DNAJC6: variants seen among roughly 807,000 people sequenced by gnomAD.
DNAJC6 encodes the protein DnaJ heat shock protein family (Hsp40) member C6, also known as auxilin.
A neutral mutation model predicts 110.0 loss-of-function variants in DNAJC6; 34 were observed. The observed-to-expected ratio is 0.31, with a 90% CI of 0.24 to 0.41. The LOEUF is 0.41. DNAJC6 is among the 10% of genes least tolerant of loss of function. The probability of loss-of-function intolerance (pLI) is 1.00; values close to 1 mark genes in which losing one functional copy is unlikely to be tolerated. For synonymous variants in DNAJC6, 406 were observed against 437.2 expected (o/e 0.93, Z 0.89); for missense variants, 1,031 against 1,207.8 (o/e 0.85, Z 2.17).
At chr1:65,298,701 T>C (rs1035005814) in intron 1 of DNAJC6, 1 of 152,222 alleles carries the variant, frequency 6.6e-6, no homozygotes, top group African/African-American at 2.4e-5. Flanking sequence ...ACAGGTACAG[T>C]GACAAACTTC....
At chr1:65,318,771 G>A (rs1376288785) in intron 1 of DNAJC6, among the ~76,000 whole-genome samples, 1 of 152,138 alleles carries the variant, frequency 6.6e-6, no homozygotes, top group Non-Finnish European at 1.5e-5. Context: ...GAATACCTAG[G>A]TGATGGGTTG....
rs1261374566 is a variant in DNAJC6, at chr1:65,384,311, C to T, written c.785C>T (p.Ser262Leu). The T allele has an allele frequency of 1.3e-6, 2 of 1,574,652 alleles. No individual in the cohort carries two copies. The highest frequency in any genetic ancestry group is 1.4e-5 in the African/African-American group (1 of 72,852). The change falls in exon 6 of 19, where the codon TCA becomes TTA. Residue 262 changes from serine to leucine, a missense_variant. Coordinates refer to ENST00000371069, the MANE Select transcript of DNAJC6 (RefSeq NM_001256864.2). The stretch of plus-strand genomic sequence containing the variant: ...GCAAAGCGACCAGGAATTGGACTTT[C>T]ACCATCCCATAGGAGGTAAAGTAAG... ...LYAKRPGIGL[S>L]PSHRRYLGYM...
At chr1:65,406,302 T>C (rs963879680) in intron 16 of DNAJC6, among the ~76,000 whole-genome samples, 169 bp downstream of exon 16, 15 of 151,678 alleles carry the variant, frequency 9.9e-5, no homozygotes, top group African/African-American at 3.4e-4. Context: ...CCCCCAACGC[T>C]GTACCTGGAG....
At chr1:65,390,822 A>T (rs556940189) in intron 11 of DNAJC6, among the ~76,000 whole-genome samples, 2 of 152,208 alleles carry the variant, frequency 1.3e-5, no homozygotes, top group Non-Finnish European at 2.9e-5. Flanking sequence ...AAATCCTCAA[A>T]TTTGGAAAAC....
intron 1 of DNAJC6, among the ~76,000 whole-genome samples, chr1:65,313,696 G>A (rs958941520): frequency 2.6e-5 from 4 of 152,138 alleles, no homozygotes; most frequent in African/African-American, 9.7e-5. Context: ...GATAAAAGAG[G>A]GGTACATGTT....
chr1:65,398,966 ATTGTGG>A, intron 14 of DNAJC6, 85 bp downstream of exon 14: 1 of 1,371,624 alleles, frequency 7.3e-7, no homozygotes, highest in Non-Finnish European at 1.0e-6. Flanking sequence ...CTCACAGAGT[ATTGTGG>A]CCTACCTGTG....
chr1:65,285,713 C>T (rs1653994793), intron 1 of DNAJC6, among the ~76,000 whole-genome samples: 1 of 152,128 alleles, frequency 6.6e-6, no homozygotes, highest in Non-Finnish European at 1.5e-5. Flanking sequence ...CATTCCGTCA[C>T]CCAGGCTGGA....
intron 4 of DNAJC6, among the ~76,000 whole-genome samples, chr1:65,366,884 ATCCTTTAAAAGTGAAACT>A (rs1244305144): frequency 6.6e-6 from 1 of 152,156 alleles, no homozygotes; most frequent in Non-Finnish European, 1.5e-5. Flanking sequence ...CTATGCATGG[ATCCTTTAAAAGTGAAACT>A]TGATGTCAAA....
At chr1:65,402,631 G>A (rs988340497) in intron 15 of DNAJC6, among the ~76,000 whole-genome samples, 6 of 152,240 alleles carry the variant, frequency 3.9e-5, no homozygotes, top group African/African-American at 1.4e-4. Context: ...AAATAAGGGT[G>A]GGGTAGCCCT....
intron 1 of DNAJC6, chr1:65,345,709 C>A: frequency 1.0e-6 from 1 of 982,260 alleles, no homozygotes; most frequent in Non-Finnish European, 1.2e-6. Flanking sequence ...GAACCAACCT[C>A]CTACTACCCA....
At chr1:65,375,123 C>A (rs1358228624) in intron 4 of DNAJC6, among the ~76,000 whole-genome samples, 1 of 151,914 alleles carries the variant, frequency 6.6e-6, no homozygotes, top group Non-Finnish European at 1.5e-5. Flanking sequence ...ACCACTATGC[C>A]CGGTTAATTT....
At position 65,285,571 on chromosome 1, in the gene DNAJC6, C is replaced by G. The variant is rs74083009; in HGVS notation, c.-131+20639C>G. 3.8e-3 allele frequency among the ~76,000 whole-genome samples: 584 copies of G among 152,280 alleles called. 1 individual carries two copies. Among genetic ancestry groups the G allele is most frequent in the African/African-American group, 0.014 (562 of 41,554 alleles). On this transcript the variant is annotated intron_variant, in intron 1 of 19. Coordinates refer to the DNAJC6 transcript ENST00000263441. ...GTGATTGGGAAATGATCCTCACCCC[C>G]CCACCAGTGTTCCCAACCATTTTTC...
At chr1:65,271,156 A>G (rs1224188270) in intron 1 of DNAJC6, among the ~76,000 whole-genome samples, 1 of 136,996 alleles carries the variant, frequency 7.3e-6, no homozygotes. Context: ...GTATATATTT[A>G]TGGGGTACAA....
chr1:65,294,048 A>C (rs1414927), intron 1 of DNAJC6, among the ~76,000 whole-genome samples: 58,208 of 152,042 alleles, frequency 0.38, 11,241 homozygotes, highest in Non-Finnish European at 0.42. Flanking sequence ...GCATCAAAAC[A>C]AGGAATTCAT....
In DNAJC6 at chr1:65,406,036, G is replaced by A. The variant is rs745681549; in HGVS notation, c.2394G>A (p.Met798Ile). Residue 798 changes from methionine to isoleucine, a missense_variant, in exon 16 of 19, where the codon ATG becomes ATA. Transcript: ENST00000371069. ...QQPQPKPQPS[M>I]PHSSPQNRPN... ...CACAGCCTAAGCCTCAGCCCAGCAT[G>A]CCCCACTCCTCTCCCCAGAACCGAC... 1 of 1,614,118 alleles carries A rather than the reference G, an allele frequency of 6.2e-7. No individual in the cohort carries two copies. Among genetic ancestry groups the A allele is most frequent in the East Asian group, 2.2e-5 (1 of 44,860 alleles).
chr1:65,407,977 C>G (rs1646093397), intron 16 of DNAJC6, among the ~76,000 whole-genome samples: 1 of 152,170 alleles, frequency 6.6e-6, no homozygotes, highest in South Asian at 2.1e-4. Flanking sequence ...TTAACTAATT[C>G]ATTTTCAAAA....
At chr1:65,321,458 A>G (rs1054299396) in intron 1 of DNAJC6, among the ~76,000 whole-genome samples, 2 of 152,066 alleles carry the variant, frequency 1.3e-5, no homozygotes, top group Non-Finnish European at 2.9e-5. Flanking sequence ...TGGCCTCCCA[A>G]TATACAGGGA....
chr1:65,275,081 A>G (rs1653625755), intron 1 of DNAJC6, among the ~76,000 whole-genome samples: 1 of 152,148 alleles, frequency 6.6e-6, no homozygotes, highest in South Asian at 2.1e-4. Context: ...TTAATTATAC[A>G]TTTATTAAAG....
At chr1:65,345,590 T>C in intron 1 of DNAJC6, 1 of 922,814 alleles carries the variant, frequency 1.1e-6, no homozygotes, top group Non-Finnish European at 1.3e-6. Context: ...AAATGCTTTT[T>C]CTCTTTTCCT....
Sources: gnomAD v4.1 joint callset for allele counts (sites outside exome capture counted in the v4.1 genomes callset) on GRCh38, gnomAD v4.1.1 for gene constraint, MANE v1.5 for transcripts, NCBI Gene and HGNC (gene_info 2026-07-23, HGNC 2026-07-21) for gene names.